Variants in LIN7B observed in about 807,000 individuals in gnomAD.
LIN7B encodes the protein protein lin-7 homolog B.
In LIN7B, 16 loss-of-function variants were observed where a neutral mutation model predicts 27.9. That is an observed-to-expected ratio of 0.57 (90% CI 0.39 to 0.87). The LOEUF is 0.87. Ranked by LOEUF, LIN7B falls within the 40% of genes least tolerant of loss-of-function variation. The pLI is 0.00. For synonymous variants in LIN7B, 147 were observed against 120.8 expected, an observed-to-expected ratio of 1.22 and a Z score of -1.42; for missense variants, 291 against 288.5, an observed-to-expected ratio of 1.01 and a Z score of -0.06.
chr19:49,114,557 T>C, intron 1 of LIN7B, 116 bp downstream of exon 1: 4 of 843,768 alleles, frequency 4.7e-6, no homozygotes, highest in Non-Finnish European at 6.3e-6. Context: ...CCGGAGGGGG[T>C]GGGCGGGGCG....
intron 5 of LIN7B, 121 bp downstream of exon 5, chr19:49,118,139 C>T: frequency 6.7e-7 from 1 of 1,486,542 alleles, no homozygotes; most frequent in Non-Finnish European, 9.1e-7. Flanking sequence ...GGATCCTGAC[C>T]CTTGACCCTT....
chr19:49,118,225 G>C (rs897872648), intron 5 of LIN7B, 127 bp from the exon 6 acceptor site: 5 of 1,333,604 alleles, frequency 3.7e-6, no homozygotes, highest in Non-Finnish European at 5.3e-6. Flanking sequence ...CCCAAGATAC[G>C]GAACCTACTG....
At chr19:49,114,824 T>A (rs1036451847) in intron 1 of LIN7B, 25 bp from the exon 2 acceptor site, 2 of 1,369,990 alleles carry the variant, frequency 1.5e-6, no homozygotes, top group African/African-American at 1.5e-5. Flanking sequence ...ACTCGGGGTT[T>A]CTGCGCCCCG....
intron 4 of LIN7B, among the ~76,000 whole-genome samples, chr19:49,117,616 G>C (rs1248227383): frequency 1.3e-5 from 2 of 152,140 alleles, no homozygotes; most frequent in Admixed American, 1.3e-4. Context: ...AGGCCACAAA[G>C]ATGGGTCTGG....
At position 49,116,568 on chromosome 19, in the gene LIN7B, T is replaced by C. The variant is rs112914280; in HGVS notation, c.438+96T>C. The C allele has an allele frequency of 2.6e-5, 29 of 1,127,206 alleles. 2 individuals carry two copies. The highest frequency in any genetic ancestry group is 2.3e-4 in the African/African-American group (15 of 65,590). The allele number at this position is 1,127,206 out of a possible 1,614,324, so 69.8% of individuals were successfully genotyped here. On this transcript the variant is annotated intron_variant, in intron 4 of 5. Transcript: ENST00000221459. ...TTCACTCAACACACACTGAGTGTTG[T>C]CTGTATGGCTAGCCCTGTGCTGGGC...
chr19:49,116,166 C>A lies in LIN7B; in HGVS notation c.229-97C>A. 6 of 1,007,256 alleles carry A rather than the reference C, an allele frequency of 6.0e-6. 1 individual carries two copies. The highest frequency in any genetic ancestry group is 8.9e-6 in the Non-Finnish European group (6 of 675,232). 62.4% of individuals were successfully genotyped at this position (1,007,256 alleles called of 1,614,324 possible). ...AGTGTCCCATGCTTGGGGATAGTAA[C>A]CCAGGCTAAATCGCTGTCCTCGGTC... On this transcript the variant is annotated intron_variant, in intron 3 of 5. Transcript: ENST00000221459.
intron 4 of LIN7B, among the ~76,000 whole-genome samples, chr19:49,117,205 C>T (rs6509417): frequency 0.44 from 64,263 of 146,412 alleles, 14,397 homozygotes; most frequent in African/African-American, 0.52. Flanking sequence ...GAGATAGCAC[C>T]ACTGCACTCC....
chr19:49,117,743 A>G (rs976013578), intron 4 of LIN7B, 112 bp from the exon 5 acceptor site: 1 of 891,156 alleles, frequency 1.1e-6, no homozygotes. Flanking sequence ...GACATGAGGC[A>G]TTGACATCTC....
intron 4 of LIN7B, among the ~76,000 whole-genome samples, chr19:49,116,790 TG>T (rs1284889631): frequency 6.6e-6 from 1 of 152,134 alleles, no homozygotes; most frequent in Non-Finnish European, 1.5e-5. Context: ...AAGGAACATT[TG>T]GGTTGGGTGT....
Position 49,114,387 on chromosome 19 carries a change from G to A in LIN7B, c.-18G>A. On this transcript the variant is annotated 5_prime_UTR_variant, in exon 1 of 6. Coordinates refer to ENST00000221459, the MANE Select transcript of LIN7B (RefSeq NM_022165.3). ...CCGGCGCCAGGGCAGGCGGGCGGCT[G>A]GCAGCTGTGGCGCCGACATGGCTGC... 1.7e-6 allele frequency: 2 copies of A among 1,195,832 alleles called. No individual in the cohort carries two copies. The highest frequency in any genetic ancestry group is 1.6e-5 in the African/African-American group (1 of 63,022). The allele number at this position is 1,195,832 out of a possible 1,614,324, so 74.1% of individuals were successfully genotyped here.
chr19:49,117,831 A>G, intron 4 of LIN7B, 24 bp from the exon 5 acceptor site: 6 of 1,605,582 alleles, frequency 3.7e-6, no homozygotes, highest in East Asian at 2.2e-5. Context: ...CCCCAGGCTC[A>G]GCTGTCTGTG....
In LIN7B at chr19:49,118,389, CG is replaced by C. The variant is rs1479088904; in HGVS notation, c.*17del. On this transcript the variant is annotated 3_prime_UTR_variant, in exon 6 of 6. Transcript: ENST00000221459. ...TCGAGGTTGAAACCACAGATCTGGA[CG>C]TTCACGTGCACTCTCTTCCTGTACA... 6.2e-7 allele frequency: 1 copy of C among 1,613,714 alleles called. No homozygotes were observed. Among genetic ancestry groups the C allele is most frequent in the Non-Finnish European group, 8.5e-7 (1 of 1,179,604 alleles).
At chr19:49,115,484 C>T in intron 3 of LIN7B, 153 bp downstream of exon 3, 1 of 676,838 alleles carries the variant, frequency 1.5e-6, no homozygotes, top group Non-Finnish European at 2.5e-6. Context: ...ACATTTTTAA[C>T]TTAAATGTCA....
At chr19:49,114,466 C>G in intron 1 of LIN7B, 25 bp downstream of exon 1, 1 of 1,206,192 alleles carries the variant, frequency 8.3e-7, no homozygotes, top group South Asian at 4.1e-5. Context: ...GGGGGCCCTG[C>G]CCACCCGGGC....
chr19:49,117,653 CG>C (rs1366698947), intron 4 of LIN7B, among the ~76,000 whole-genome samples: 1 of 152,070 alleles, frequency 6.6e-6, no homozygotes, highest in Non-Finnish European at 1.5e-5. Context: ...TGAGGGAACA[CG>C]GGGCTGTCCC....
intron 1 of LIN7B, 125 bp from the exon 2 acceptor site, chr19:49,114,724 T>C: frequency 1.9e-6 from 1 of 532,048 alleles, no homozygotes; most frequent in Non-Finnish European, 3.0e-6. Context: ...CTGCGGGGTG[T>C]CCGACTAGGC....
At position 49,114,375 on chromosome 19, in the gene LIN7B, A is replaced by G; in HGVS notation, c.-30A>G. On this transcript the variant is annotated 5_prime_UTR_variant, in exon 1 of 6. Transcript: ENST00000221459. ...CCGCCCTCCTCGCCGGCGCCAGGGC[A>G]GGCGGGCGGCTGGCAGCTGTGGCGC... 1 of 1,188,732 alleles carries G rather than the reference A, an allele frequency of 8.4e-7. No individual in the cohort carries two copies. The highest frequency in any genetic ancestry group is 1.0e-6 in the Non-Finnish European group (1 of 960,064). 73.6% of individuals were successfully genotyped at this position (1,188,732 alleles called of 1,614,324 possible). A position where few individuals can be genotyped will look rare whatever the true frequency, so the allele number is the denominator to read the frequency against.
chr19:49,118,209 TTCCA>T, intron 5 of LIN7B, 139 bp from the exon 6 acceptor site: 1 of 1,318,500 alleles, frequency 7.6e-7, no homozygotes, highest in East Asian at 2.3e-5. Context: ...CTTAGCTTCC[TTCCA>T]TCCCAAGATA....
In LIN7B at chr19:49,114,430, G is replaced by A. The variant is rs1441019476; in HGVS notation, c.26G>A (p.Gly9Glu). MAALVEPL[G>E]LERDVSRAVE... ...ATGGCTGCGCTGGTGGAGCCGCTGG[G>A]GCTGGAGCGGGGTAAGCGTGCGCCA... Residue 9 changes from glycine (G) to glutamate (E), a missense_variant, in exon 1 of 6, where the codon GGG (glycine) becomes GAG (glutamate). By Grantham distance (98) the Gly-to-Glu change is moderately conservative (BLOSUM62 -2). Transcript: ENST00000221459. 2 of 1,207,382 alleles carry A rather than the reference G, an allele frequency of 1.7e-6. No individual in the cohort carries two copies. Among genetic ancestry groups the A allele is most frequent in the Non-Finnish European group, 2.1e-6 (2 of 972,240 alleles). 74.8% of individuals were successfully genotyped at this position (1,207,382 alleles called of 1,614,324 possible). A position where few individuals can be genotyped will look rare whatever the true frequency, so the allele number is the denominator to read the frequency against.
Sources: allele counts gnomAD v4.1 joint callset (sites outside exome capture counted in the v4.1 genomes callset), GRCh38; gene constraint gnomAD v4.1.1; transcripts MANE v1.5; gene names NCBI Gene and HGNC (gene_info 2026-07-23, HGNC 2026-07-21).